The following CHD1 variants were observed in gnomAD, a reference collection of about 807,000 sequenced individuals.
CHD1 encodes ATP-dependent chromatin remodeler CHD1.
In CHD1, 36 loss-of-function variants were observed where a neutral mutation model predicts 224.2. That is an observed-to-expected ratio of 0.16 (90% CI 0.12 to 0.21). The LOEUF is 0.21. CHD1 is among the 10% of genes least tolerant of loss of function. The pLI, the probability that CHD1 is intolerant of heterozygous loss-of-function variation, is 1.00. For missense variants in CHD1, 1,378 were observed against 1,994.8 expected (o/e 0.69, Z 5.89); for synonymous variants, 668 against 658.3 (o/e 1.01, Z -0.23).
At position 98,869,867 on chromosome 5, in the gene CHD1, T is replaced by C; in HGVS notation, c.3994A>G (p.Arg1332Gly). ...TTATTCTTCTTAGCTCTTGCTTTTC[T>C]CCTCTTTGAACTTCCCTAAAAATCA... is the stretch of plus-strand genomic sequence containing the variant. ...ALSGAGSSKR[R>G]KARAKKNKAM... is the part of the protein sequence containing the mutation. The change falls in exon 30 of 36, where the codon AGA becomes GGA. Residue 1332 changes from arginine to glycine, a missense_variant. By Grantham distance (125) the Arg-to-Gly change is moderately radical. Coordinates refer to ENST00000614616, the MANE Select transcript of CHD1 (RefSeq NM_001270.4). 1 of 1,603,358 alleles carries C rather than the reference T, an allele frequency of 6.2e-7. No homozygotes were observed. Among genetic ancestry groups the C allele is most frequent in the South Asian group, 1.1e-5 (1 of 90,178 alleles).
At chr5:98,892,737 C>A (rs1424332552) in intron 14 of CHD1, 24 bp from the exon 15 acceptor site, 7 of 1,504,312 alleles carry the variant, frequency 4.7e-6, no homozygotes, top group African/African-American at 4.2e-5. Flanking sequence ...GAAATTGGAA[C>A]AATTACTAGA....
chr5:98,919,588 T>C (rs1752959376), intron 2 of CHD1, among the ~76,000 whole-genome samples: 1 of 152,180 alleles, frequency 6.6e-6, no homozygotes, highest in Admixed American at 6.5e-5. Context: ...AGTGAATATA[T>C]AAGCAGATAA....
chr5:98,901,443 T>C, intron 5 of CHD1, 108 bp from the exon 6 acceptor site: 1 of 832,942 alleles, frequency 1.2e-6, no homozygotes, highest in Non-Finnish European at 1.8e-6. Flanking sequence ...TCAAAAATAC[T>C]GTTGCTTTTA....
intron 32 of CHD1, among the ~76,000 whole-genome samples, chr5:98,861,825 T>A (rs1222862007): frequency 6.6e-6 from 1 of 151,878 alleles, no homozygotes; most frequent in Non-Finnish European, 1.5e-5. Flanking sequence ...CTTGAGGGGA[T>A]CGGGTCAGCC....
chr5:98,919,018 C>A (rs1202448178), intron 2 of CHD1, among the ~76,000 whole-genome samples: 1 of 152,096 alleles, frequency 6.6e-6, no homozygotes, highest in Non-Finnish European at 1.5e-5. Flanking sequence ...CCATTATCAC[C>A]CCTAGATTAT....
chr5:98,860,075 G>T lies in CHD1; in HGVS notation c.4428-7C>A. The T allele has an allele frequency of 5.4e-6, 8 of 1,482,208 alleles. No individual in the cohort carries two copies. The highest frequency in any genetic ancestry group is 1.2e-5 in the South Asian group (1 of 83,758). 91.8% of individuals were successfully genotyped at this position (1,482,208 alleles called of 1,614,324 possible). A position where few individuals can be genotyped will look rare whatever the true frequency, so the allele number is the denominator to read the frequency against. On this transcript the variant is annotated splice_region_variant and splice_polypyrimidine_tract_variant and intron_variant, in intron 32 of 35. Transcript: ENST00000614616. ...TACAAAAATCCACAGGTTTCTAGAA[G>T]AATTTAAAAAAAGGCAAATTAAGTT...
chr5:98,868,786 T>TC (rs1749099654), intron 30 of CHD1, 151 bp from the exon 31 acceptor site: 4 of 815,202 alleles, frequency 4.9e-6, no homozygotes, highest in Non-Finnish European at 7.2e-6. Flanking sequence ...TTTGTTTTTT[T>TC]CCCCAATTTT....
At chr5:98,870,885 A>T in intron 28 of CHD1, 82 bp from the exon 29 acceptor site, 1 of 748,502 alleles carries the variant, frequency 1.3e-6, no homozygotes, top group Admixed American at 2.3e-5. Flanking sequence ...TAACCATTTA[A>T]ATATATATAT....
chr5:98,911,146 A>AAAAAAAAAATATAT (rs1491111295), intron 2 of CHD1, among the ~76,000 whole-genome samples: 1 of 39,144 alleles, frequency 2.6e-5, no homozygotes, highest in Non-Finnish European at 4.5e-5. Flanking sequence ...AAAAAAAAAA[A>AAAAAAAAAATATAT]ATATATATAT....
Position 98,885,514 on chromosome 5 carries a change from T to C in CHD1, c.2568+64A>G, listed in dbSNP as rs1379103550. 2.6e-5 allele frequency: 26 copies of C among 987,564 alleles called. No homozygotes were observed. The Admixed American group carries it at 5.6e-4, about 21-fold the overall frequency. The allele number at this position is 987,564 out of a possible 1,614,324, so 61.2% of individuals were successfully genotyped here. On this transcript the variant is annotated intron_variant, in intron 18 of 35. Coordinates refer to ENST00000614616, the MANE Select transcript of CHD1 (RefSeq NM_001270.4). ...TATGAAGATTAAAAATGTCTGAATA[T>C]AATAATGTAATATACTGATACTAAA...
chr5:98,902,609 A>T (rs1370766317), intron 5 of CHD1, among the ~76,000 whole-genome samples: 1 of 152,106 alleles, frequency 6.6e-6, no homozygotes, highest in African/African-American at 2.4e-5. Context: ...CTATATTCCC[A>T]AGTTATTAAG....
At position 98,864,248 on chromosome 5, in the gene CHD1, C is replaced by T. The variant is rs1161823399; in HGVS notation, c.4249-662G>A. 4.0e-5 allele frequency among the ~76,000 whole-genome samples: 6 copies of T among 151,868 alleles called. No homozygotes were observed. The East Asian group carries it at 9.6e-4, about 24-fold the overall frequency. Reference sequence around the variant, plus strand: ...ATAAAAATATTACTAACAAGGCAACCGTCAGATAAAATTTGTAAATGCAAA... The same window carrying T: ...ATAAAAATATTACTAACAAGGCAACTGTCAGATAAAATTTGTAAATGCAAA... On this transcript the variant is annotated intron_variant, in intron 31 of 35. Transcript: ENST00000614616.
intron 18 of CHD1, among the ~76,000 whole-genome samples, chr5:98,884,861 G>A (rs7721369): frequency 0.17 from 25,896 of 151,340 alleles, 2,286 homozygotes; most frequent in Middle Eastern, 0.33. Flanking sequence ...GACTACAACC[G>A]AGTGCCACTA....
intron 9 of CHD1, 27 bp from the exon 10 acceptor site, chr5:98,898,461 T>A: frequency 2.0e-6 from 3 of 1,486,504 alleles, no homozygotes; most frequent in Non-Finnish European, 2.7e-6. Flanking sequence ...CATTTACTTA[T>A]TTATTTATTT....
chr5:98,903,896 T>A lies in CHD1; in HGVS notation c.268A>T (p.Ser90Cys). ...CTCTGAACGGCCAGAATACTAGGAC[T>A]AGATTTCCAAAACTATAATAGAAAT... ...KVDGAEFWKS[S>C]PSILAVQRSA... The change falls in exon 4 of 36, where the codon AGT becomes TGT. Residue 90 changes from serine to cysteine, a missense_variant. Transcript: ENST00000614616. 1 of 1,597,048 alleles carries A rather than the reference T, an allele frequency of 6.3e-7. No individual in the cohort carries two copies. The highest frequency in any genetic ancestry group is 1.1e-5 in the South Asian group (1 of 89,828).
chr5:98,898,126 G>A (rs1271387595), intron 10 of CHD1, 130 bp downstream of exon 10: 1 of 432,512 alleles, frequency 2.3e-6, no homozygotes, highest in African/African-American at 2.0e-5. Context: ...CTTCCTGTAA[G>A]ACCTATTAAC....
rs1314786627 is a variant in CHD1 at position 98,881,972 on chromosome 5, C to G, written c.2867+3G>C. 6.2e-7 allele frequency: 1 copy of G among 1,604,512 alleles called. No individual in the cohort carries two copies. Among genetic ancestry groups the G allele is most frequent in the East Asian group, 2.2e-5 (1 of 44,760 alleles). On this transcript the variant is annotated splice_donor_region_variant and intron_variant, in intron 20 of 35. Coordinates refer to ENST00000614616, the MANE Select transcript of CHD1 (RefSeq NM_001270.4). ...GACATTTTTTTAATAATCAAGTAAC[C>G]ACCTTGATGGGGCAGAACCTGTATG...
At chr5:98,871,781 T>G (rs994748430) in intron 28 of CHD1, among the ~76,000 whole-genome samples, 1 of 152,166 alleles carries the variant, frequency 6.6e-6, no homozygotes, top group African/African-American at 2.4e-5. Context: ...TTTTTAAAGC[T>G]AATGATGGAA....
chr5:98,924,385 C>T (rs1341741604), intron 2 of CHD1, among the ~76,000 whole-genome samples: 2 of 152,202 alleles, frequency 1.3e-5, no homozygotes, highest in Non-Finnish European at 2.9e-5. Context: ...AATTAAACCT[C>T]AACTCTGGTG....
Sources: gnomAD v4.1 joint callset for allele counts (sites outside exome capture counted in the v4.1 genomes callset) on GRCh38, gnomAD v4.1.1 for gene constraint, MANE v1.5 for transcripts, NCBI Gene and HGNC (gene_info 2026-07-23, HGNC 2026-07-21) for gene names.